MEGF6: variants seen among roughly 807,000 people sequenced by gnomAD.
The protein encoded by MEGF6 is multiple EGF like domains 6.
A neutral mutation model predicts 207.1 loss-of-function variants in MEGF6; 184 were observed. The ratio of observed to expected loss-of-function variants is 0.89; its 90% CI spans 0.79 to 1.00. MEGF6 has a LOEUF of 1.00. Among genes scored for constraint, MEGF6 ranks in the 50% least tolerant of loss-of-function variants. The pLI, the probability that MEGF6 is intolerant of heterozygous loss-of-function variation, is 0.00. For missense variants in MEGF6, 2,282 were observed against 2,202.9 expected (o/e 1.04, Z -0.72); for synonymous variants, 1,038 against 910.0 (o/e 1.14, Z -2.53).
intron 17 of MEGF6, among the ~76,000 whole-genome samples, chr1:3,504,222 C>T (rs1013682540): frequency 2.0e-5 from 3 of 152,172 alleles, no homozygotes; most frequent in Non-Finnish European, 2.9e-5. Context: ...AGCAGGCCCT[C>T]GTGGCTCCCG....
chr1:3,606,462 G>C lies in MEGF6; in HGVS notation c.132-3862C>G, dbSNP rs78609518. ...TCAGCTCCCCACGCCCCATCTTTAA[G>C]ACGCGCAGGTTACTGAACCTCTGCC... On this transcript the variant is annotated intron_variant, in intron 1 of 36. Coordinates refer to ENST00000356575, the MANE Select transcript of MEGF6 (RefSeq NM_001409.4). Among the ~76,000 whole-genome samples, 1,175 of 152,316 alleles carry C rather than the reference G, an allele frequency of 7.7e-3. 16 individuals carry two copies. Among genetic ancestry groups the C allele is most frequent in the African/African-American group, 0.027 (1,112 of 41,566 alleles).
intron 4 of MEGF6, among the ~76,000 whole-genome samples, chr1:3,547,500 C>T (rs1642752143): frequency 6.6e-6 from 1 of 152,190 alleles, no homozygotes; most frequent in Non-Finnish European, 1.5e-5. Flanking sequence ...AGCGGTCTGC[C>T]ACAGCTGTGG....
At chr1:3,605,207 C>T (rs765157709) in intron 1 of MEGF6, among the ~76,000 whole-genome samples, 8 of 151,980 alleles carry the variant, frequency 5.3e-5, no homozygotes, top group Non-Finnish European at 1.0e-4. Flanking sequence ...CACACACAGT[C>T]ACACACACTT....
At chr1:3,505,127 T>C in intron 17 of MEGF6, 81 bp downstream of exon 17, 1 of 1,554,838 alleles carries the variant, frequency 6.4e-7, no homozygotes, top group South Asian at 1.2e-5. Context: ...GTGCAGCCCT[T>C]CTGAAGCCTA....
In MEGF6 at chr1:3,560,820, G is replaced by A. The variant is rs1643177798; in HGVS notation, c.481+19005C>T. 1 of 462,622 alleles carries A rather than the reference G, an allele frequency of 2.2e-6. No individual in the cohort carries two copies. The highest frequency in any genetic ancestry group is 4.5e-6 in the Non-Finnish European group (1 of 224,044). 28.7% of individuals were successfully genotyped at this position (462,622 alleles called of 1,614,324 possible). On this transcript the variant is annotated intron_variant, in intron 4 of 36. Transcript: ENST00000356575. The surrounding 1 kb of genome is among the most constrained non-coding windows in gnomAD (Gnocchi z 4.0). ...GCAGCCACCGGAGCAGCCAGGAACAGCCTCAGGCGTCGGCCGCGAGGGGGT... is the reference window on the plus strand; with the variant it reads ...GCAGCCACCGGAGCAGCCAGGAACAACCTCAGGCGTCGGCCGCGAGGGGGT...
chr1:3,524,153 C>T lies in MEGF6; in HGVS notation c.575G>A (p.Arg192Gln), dbSNP rs772953088. 2.2e-5 allele frequency: 36 copies of T among 1,612,532 alleles called. No individual in the cohort carries two copies. Among genetic ancestry groups the T allele is most frequent in the Admixed American group, 1.2e-4 (7 of 59,978 alleles). ...SYLCECKPGF[R>Q]LHTDSRTCLA... ...GCAGGTCCTGCTGTCAGTGTGGAGC[C>T]GGAAGCCGGGCTTGCACTCACAGAG... Residue 192 changes from arginine (R) to glutamine (Q), a missense_variant, in exon 5 of 37, where the codon CGG (arginine) becomes CAG (glutamine). Physicochemically the swap from Arg to Gln is conservative, Grantham distance 43. Coordinates refer to ENST00000356575, the MANE Select transcript of MEGF6 (RefSeq NM_001409.4).
At chr1:3,507,955 AC>A (rs1329886195) in intron 13 of MEGF6, 32 bp from the exon 14 acceptor site, 4 of 1,597,960 alleles carry the variant, frequency 2.5e-6, no homozygotes, top group Non-Finnish European at 3.4e-6. Context: ...CGTCAGGGTC[AC>A]CAGCCAGCAC....
chr1:3,586,991 G>T (rs557548796), intron 3 of MEGF6, among the ~76,000 whole-genome samples: 1 of 152,332 alleles, frequency 6.6e-6, no homozygotes, highest in South Asian at 2.1e-4. Flanking sequence ...AACCCCACCT[G>T]TGTGCAAGGA....
intron 11 of MEGF6, 41 bp downstream of exon 11, chr1:3,509,829 G>A: frequency 6.6e-7 from 1 of 1,513,572 alleles, no homozygotes; most frequent in South Asian, 1.2e-5. Context: ...GCAAACTCGA[G>A]AAGGCAGAGG....
chr1:3,575,658 G>A (rs1470881849), intron 4 of MEGF6, among the ~76,000 whole-genome samples: 1 of 149,584 alleles, frequency 6.7e-6, no homozygotes, highest in Admixed American at 6.7e-5. Flanking sequence ...AGCAGGCAAA[G>A]AGAGAGAGCT....
chr1:3,501,408 G>A lies in MEGF6; in HGVS notation c.2315-100C>T, dbSNP rs2100935782. 2.1e-6 allele frequency: 3 copies of A among 1,454,056 alleles called. No homozygotes were observed. The South Asian group carries it at 4.0e-5, about 20-fold the overall frequency. 90.1% of individuals were successfully genotyped at this position (1,454,056 alleles called of 1,614,324 possible). The stretch of plus-strand genomic sequence containing the variant: ...CCCCTGGAGCCACGGCCGAGGAGGT[G>A]GAACCACTGTTACCATCTCAGCCTG... On this transcript the variant is annotated intron_variant, in intron 18 of 36. Coordinates refer to ENST00000356575, the MANE Select transcript of MEGF6 (RefSeq NM_001409.4).
At chr1:3,492,788 G>A in intron 34 of MEGF6, 21 bp from the exon 35 acceptor site, 2 of 1,600,462 alleles carry the variant, frequency 1.2e-6, no homozygotes, top group Non-Finnish European at 1.7e-6. Context: ...GAGGGGGCGG[G>A]AGACAAACCT....
chr1:3,620,433 A>C, the MEGF6 span, among the ~76,000 whole-genome samples: 1 of 152,236 alleles, frequency 6.6e-6, no homozygotes, highest in Non-Finnish European at 1.5e-5. Context: ...AAAGGGGTCA[A>C]GGGACAGCCC....
chr1:3,569,609 G>A (rs1643441358), intron 4 of MEGF6, among the ~76,000 whole-genome samples: 2 of 152,372 alleles, frequency 1.3e-5, no homozygotes, highest in South Asian at 4.1e-4. Context: ...AGGAGACTGG[G>A]GGGCCACGGG....
Position 3,498,434 on chromosome 1 carries a change from A to C in MEGF6, c.3289T>G (p.Cys1097Gly). 6.3e-7 allele frequency: 1 copy of C among 1,582,626 alleles called. No individual in the cohort carries two copies. Among genetic ancestry groups the C allele is most frequent in the Non-Finnish European group, 8.6e-7 (1 of 1,166,676 alleles). ...AGGCAGCGGCCCGTGTGCGGGTCAC[A>C]CAGGCCCCCGTTGAGGCAACCGCCG... ...HSGGCLNGGL[C>G]DPHTGRCLCP... Residue 1097 changes from cysteine to glycine, a missense_variant, in exon 26 of 37, where the codon TGT (cysteine) becomes GGT (glycine). Physicochemically the swap from Cys to Gly is radical, Grantham distance 159 (BLOSUM62 -3). Coordinates refer to ENST00000356575, the MANE Select transcript of MEGF6 (RefSeq NM_001409.4).
rs527847688 is a variant in MEGF6 at position 3,499,080 on chromosome 1, G to A, written c.3094+58C>T. 1,434 of 1,579,862 alleles carry A rather than the reference G, an allele frequency of 9.1e-4. 9 individuals carry two copies. In the African/African-American group the frequency reaches 0.017, roughly 18 times the overall value. On this transcript the variant is annotated intron_variant, in intron 24 of 36. Coordinates refer to ENST00000356575, the MANE Select transcript of MEGF6 (RefSeq NM_001409.4). Reference sequence around the variant, plus strand: ...CAAGTGTCCTGTGGGCCCTGCAAGAGGCCAGCACCCTCGCTCAGGCCTGGA... The same window carrying A: ...CAAGTGTCCTGTGGGCCCTGCAAGAAGCCAGCACCCTCGCTCAGGCCTGGA...
In MEGF6 at chr1:3,504,684, G is replaced by A. The variant is rs1641036665; in HGVS notation, c.2188+524C>T. 2.0e-5 allele frequency among the ~76,000 whole-genome samples: 3 copies of A among 152,110 alleles called. No homozygotes were observed. The South Asian group carries it at 6.2e-4, about 31-fold the overall frequency. On this transcript the variant is annotated intron_variant, in intron 17 of 36. Transcript: ENST00000356575. ...CTCCTAACAGCCTCCTCCCCTGCCT[G>A]CTATGTGGGCATGGGGCTCCCAGGC... is the stretch of plus-strand genomic sequence containing the variant.
At chr1:3,492,415 CCT>C (rs3838972) in intron 35 of MEGF6, among the ~76,000 whole-genome samples, 8,941 of 152,260 alleles carry the variant, frequency 0.059, 389 homozygotes, top group East Asian at 0.14. Flanking sequence ...ATGGCCCACC[CCT>C]GTCCCCTGGT....
Position 3,494,295 on chromosome 1 carries a change from C to T in MEGF6, c.4129+76G>A, listed in dbSNP as rs76271892. ...CCACCTCCCCACCACTTCACTGCTGCCTGGATCACCCACACGGGAGGAGTG... is the reference window on the plus strand; with the variant it reads ...CCACCTCCCCACCACTTCACTGCTGTCTGGATCACCCACACGGGAGGAGTG... On this transcript the variant is annotated intron_variant, in intron 32 of 36. Coordinates refer to ENST00000356575, the MANE Select transcript of MEGF6 (RefSeq NM_001409.4). 10,257 of 1,488,224 alleles carry T rather than the reference C, an allele frequency of 6.9e-3. 608 individuals carry two copies. In the African/African-American group the frequency reaches 0.13, roughly 18 times the overall value. The allele number at this position is 1,488,224 out of a possible 1,614,324, so 92.2% of individuals were successfully genotyped here.
Sources: allele counts gnomAD v4.1 joint callset (sites outside exome capture counted in the v4.1 genomes callset), GRCh38; gene constraint gnomAD v4.1.1; non-coding constraint Gnocchi (gnomAD v3.1); transcripts MANE v1.5; gene names NCBI Gene and HGNC (gene_info 2026-07-23, HGNC 2026-07-21).